Variants in PKIB observed in about 807,000 individuals in gnomAD.
PKIB encodes the protein cAMP-dependent protein kinase inhibitor beta.
PKIB carries 2 observed loss-of-function variants against 4.5 expected under a neutral mutation model. That is an observed-to-expected ratio of 0.44 (90% CI 0.18 to 1.39). The LOEUF (loss-of-function observed/expected upper bound fraction) is 1.39. PKIB is among the 40% of genes most tolerant of loss of function. PKIB has a pLI of 0.27. For missense variants in PKIB, 94 were observed against 92.6 expected (o/e 1.02, Z -0.06); for synonymous variants, 38 against 36.0 (o/e 1.06, Z -0.20).
intron 3 of PKIB, among the ~76,000 whole-genome samples, chr6:122,691,552 C>A (rs1164724675): frequency 6.6e-6 from 1 of 152,084 alleles, no homozygotes; most frequent in African/African-American, 2.4e-5. Flanking sequence ...TTATTTCAAT[C>A]TCTTTGTTAC....
At chr6:122,539,257 G>A (rs1183147589) in intron 2 of PKIB, among the ~76,000 whole-genome samples, 3 of 152,030 alleles carry the variant, frequency 2.0e-5, no homozygotes, top group Admixed American at 6.6e-5. Flanking sequence ...CCTGTCTTGT[G>A]CCAGTTTTCA....
intron 2 of PKIB, among the ~76,000 whole-genome samples, chr6:122,662,280 TCTCTCTCC>T (rs1777024788): frequency 6.8e-6 from 1 of 147,252 alleles, no homozygotes; most frequent in African/African-American, 2.5e-5. Flanking sequence ...AAGGTCTCTT[TCTCTCTCC>T]TTCTTTCTTT....
chr6:122,612,781 G>C (rs986539740), intron 1 of PKIB, among the ~76,000 whole-genome samples: 1 of 152,016 alleles, frequency 6.6e-6, no homozygotes, highest in Non-Finnish European at 1.5e-5. Flanking sequence ...GTGAGTACCC[G>C]TTTTCATTTC....
intron 2 of PKIB, among the ~76,000 whole-genome samples, chr6:122,665,552 T>G (rs1777186962): frequency 6.6e-6 from 1 of 152,186 alleles, no homozygotes; most frequent in Non-Finnish European, 1.5e-5. Flanking sequence ...ATGACAATGT[T>G]AGGACAAAGT....
chr6:122,561,480 C>G (rs1279139441), intron 2 of PKIB, among the ~76,000 whole-genome samples: 14 of 151,662 alleles, frequency 9.2e-5, no homozygotes, highest in Non-Finnish European at 2.1e-4. Flanking sequence ...TATGATCTAT[C>G]TTGGAGAAAG....
rs528987695 is a variant in PKIB at position 122,543,226 on chromosome 6, G to A, written c.-247-42695G>A. On this transcript the variant is annotated intron_variant, in intron 2 of 6. Coordinates refer to the PKIB transcript ENST00000392491. ...GCATGGTGTGCTGCACCCACTGTCT[G>A]GAGCTCCCTAGTGAGATGAACCCAG... is the stretch of plus-strand genomic sequence containing the variant. 2.6e-5 allele frequency among the ~76,000 whole-genome samples: 4 copies of A among 152,098 alleles called. No individual in the cohort carries two copies. The East Asian group carries it at 7.7e-4, about 29-fold the overall frequency.
At chr6:122,578,958 T>C (rs1484758141) in intron 2 of PKIB, among the ~76,000 whole-genome samples, 1 of 152,228 alleles carries the variant, frequency 6.6e-6, no homozygotes, top group East Asian at 1.9e-4. Flanking sequence ...AAGAACATGT[T>C]AGCTTTCCAT....
At chr6:122,485,208 T>C (rs1249230771) in intron 2 of PKIB, among the ~76,000 whole-genome samples, 1 of 151,722 alleles carries the variant, frequency 6.6e-6, no homozygotes, top group African/African-American at 2.4e-5. Context: ...AACAAAAATA[T>C]TCTTTTTTTT....
chr6:122,494,993 C>T (rs1008080200), intron 2 of PKIB, among the ~76,000 whole-genome samples: 2 of 152,182 alleles, frequency 1.3e-5, no homozygotes, highest in African/African-American at 4.8e-5. Flanking sequence ...AGGACTTGGA[C>T]CCTTGGTGTC....
chr6:122,502,513 AAG>A (rs1388684967), intron 2 of PKIB, among the ~76,000 whole-genome samples: 2 of 151,624 alleles, frequency 1.3e-5, no homozygotes, highest in Admixed American at 6.6e-5. Flanking sequence ...GGCAGAACAG[AAG>A]AGAGAGAGAG....
chr6:122,576,689 A>AATATATATATATATATATATAT (rs1334771841), intron 2 of PKIB, among the ~76,000 whole-genome samples: 1 of 34,314 alleles, frequency 2.9e-5, no homozygotes, highest in African/African-American at 1.3e-4. Context: ...AAAAAAAAAA[A>AATATATATATATATATATATAT]ATATATATAT....
Position 122,725,350 on chromosome 6 carries a change from T to C in PKIB, c.*155T>C. The C allele has an allele frequency of 1.6e-6, 1 of 620,100 alleles. No individual in the cohort carries two copies. Among genetic ancestry groups the C allele is most frequent in the Non-Finnish European group, 2.8e-6 (1 of 352,538 alleles). 38.4% of individuals were successfully genotyped at this position (620,100 alleles called of 1,614,324 possible). On this transcript the variant is annotated 3_prime_UTR_variant, in exon 5 of 5. Coordinates refer to ENST00000368452, the MANE Select transcript of PKIB (RefSeq NM_181795.3). Reference sequence around the variant, plus strand: ...ATAATTGTGTTGTGATGCTACTCACTTTGATTGCAATGATGATGTCCAAGG... The same window carrying C: ...ATAATTGTGTTGTGATGCTACTCACCTTGATTGCAATGATGATGTCCAAGG...
chr6:122,589,614 T>C (rs1207646636), intron 3 of PKIB, among the ~76,000 whole-genome samples: 1 of 152,090 alleles, frequency 6.6e-6, no homozygotes, highest in African/African-American at 2.4e-5. Flanking sequence ...CATTATCCAA[T>C]AAAAGCTTAA....
chr6:122,619,269 T>C (rs1013582718), intron 1 of PKIB, among the ~76,000 whole-genome samples: 5 of 152,220 alleles, frequency 3.3e-5, no homozygotes, highest in Non-Finnish European at 5.9e-5. Context: ...AAGTTTAAGA[T>C]GGCCTTTCCC....
chr6:122,642,071 C>G (rs1317924611), intron 2 of PKIB, among the ~76,000 whole-genome samples: 3 of 152,172 alleles, frequency 2.0e-5, no homozygotes, highest in African/African-American at 7.2e-5. Flanking sequence ...CAAGAGACCT[C>G]CCATTGAACT....
intron 3 of PKIB, among the ~76,000 whole-genome samples, chr6:122,697,844 T>C (rs956860871): frequency 6.6e-6 from 1 of 152,054 alleles, no homozygotes; most frequent in Admixed American, 6.6e-5. Flanking sequence ...AAACTGCAAA[T>C]GAGATAAGGA....
rs533553939 is a variant in PKIB at position 122,553,481 on chromosome 6, C to CTTTTTTTTTTTTTTTTTTTTTTTT, written c.-247-32418_-247-32417insTTTTTTTTTTTTTTTTTTTTTTTT. ...TCTCTCAAGATTGCTCAAATATCTT[C>CTTTTTTTTTTTTTTTTTTTTTTTT]TTTTTTTTTTTTTTTTTTTTTTCTG... is the stretch of plus-strand genomic sequence containing the variant. On this transcript the variant is annotated intron_variant, in intron 2 of 6. Coordinates refer to the PKIB transcript ENST00000392491. Among the ~76,000 whole-genome samples, 22 of 65,818 alleles carry CTTTTTTTTTTTTTTTTTTTTTTTT rather than the reference C, an allele frequency of 3.3e-4. 6 individuals are homozygous for CTTTTTTTTTTTTTTTTTTTTTTTT. Among genetic ancestry groups the CTTTTTTTTTTTTTTTTTTTTTTTT allele is most frequent in the African/African-American group, 8.3e-4 (14 of 16,956 alleles). The allele number at this position is 65,818 out of a possible 152,430, so 43.2% of individuals were successfully genotyped here. A position where few individuals can be genotyped will look rare whatever the true frequency, so the allele number is the denominator to read the frequency against.
intron 3 of PKIB, among the ~76,000 whole-genome samples, chr6:122,696,812 G>C (rs1168618249): frequency 4.6e-5 from 7 of 152,246 alleles, no homozygotes; most frequent in African/African-American, 7.2e-5. Context: ...TTGCAGCTCA[G>C]TGAGGGTCAG....
At chr6:122,476,073 C>T (rs1464970132) in intron 1 of PKIB, among the ~76,000 whole-genome samples, 1 of 152,064 alleles carries the variant, frequency 6.6e-6, no homozygotes, top group East Asian at 1.9e-4. Flanking sequence ...AGAAATTATA[C>T]TGCTTAGTTC....
Sources: gnomAD v4.1 joint callset for allele counts (sites outside exome capture counted in the v4.1 genomes callset) on GRCh38, gnomAD v4.1.1 for gene constraint, MANE v1.5 for transcripts, NCBI Gene and HGNC (gene_info 2026-07-23, HGNC 2026-07-21) for gene names.